The following MBNL3 variants were observed in gnomAD, a reference collection of about 807,000 sequenced individuals.
MBNL3 encodes the protein muscleblind like splicing regulator 3, also known as muscleblind-like protein 3.
A neutral mutation model predicts 24.5 loss-of-function variants in MBNL3; 6 were observed. The observed-to-expected ratio is 0.25, with a 90% CI of 0.13 to 0.48. The LOEUF (loss-of-function observed/expected upper bound fraction) is 0.48, where lower values mean the gene tolerates loss of function less well. Ranked by LOEUF, MBNL3 falls within the 20% of genes least tolerant of loss-of-function variation. The pLI, the probability that MBNL3 is intolerant of heterozygous loss-of-function variation, is 0.99. For missense variants in MBNL3, 230 were observed against 293.5 expected (o/e 0.78, Z 1.58); for synonymous variants, 100 against 101.7 (o/e 0.98, Z 0.10).
In MBNL3 at chrX:132,370,751, G is replaced by C. The variant is rs1277448814; in HGVS notation, c.*8915C>G. 8.9e-6 allele frequency: 1 copy of C among 111,810 alleles called. No individual in the cohort carries two copies. The highest frequency in any genetic ancestry group is 1.9e-5 in the Non-Finnish European group (1 of 53,194). The allele number at this position is 111,810 out of a possible 1,213,427, so 9.2% of individuals were successfully genotyped here. ...GGGGAAAAGTCCAGATCTATCAGAG[G>C]AAACAGGCCTGATAAGTTGCTATCA... On this transcript the variant is annotated 3_prime_UTR_variant, in exon 9 of 9. Coordinates refer to ENST00000370853, the MANE Select transcript of MBNL3 (RefSeq NM_001386889.1).
chrX:132,488,364 T>A (rs1290776650), intron 1 of MBNL3, among the ~76,000 whole-genome samples: 1 of 111,226 alleles, frequency 9.0e-6, no homozygotes, highest in Non-Finnish European at 1.9e-5. Flanking sequence ...GCTTATTGTG[T>A]GAGTGTTAAA....
Position 132,386,815 on chromosome X carries a change from TG to T in MBNL3, c.772-5del, listed in dbSNP as rs200191660. On this transcript the variant is annotated splice_polypyrimidine_tract_variant and splice_region_variant and intron_variant, in intron 5 of 8. Coordinates refer to ENST00000370853, the MANE Select transcript of MBNL3 (RefSeq NM_001386889.1). ...GCAGTGTACCAGGCTGCAGGGCCTG[TG>T]GGGGGAGAGATGGTACTAGTACTAG... 8.3e-7 allele frequency: 1 copy of T among 1,209,362 alleles called. No individual in the cohort carries two copies. Among genetic ancestry groups the T allele is most frequent in the African/African-American group, 1.7e-5 (1 of 57,494 alleles).
intron 3 of MBNL3, among the ~76,000 whole-genome samples, chrX:132,397,645 T>C (rs1045450769): frequency 9.0e-6 from 1 of 111,662 alleles, no homozygotes; most frequent in African/African-American, 3.2e-5. Context: ...ATCTTCATTT[T>C]ATTGCTCATT....
At chrX:132,380,958 G>A (rs2148031323) in intron 8 of MBNL3, among the ~76,000 whole-genome samples, 1 of 111,399 alleles carries the variant, frequency 9.0e-6, no homozygotes, top group South Asian at 3.7e-4. Context: ...GACAGGCATA[G>A]TGCTTACTGT....
intron 1 of MBNL3, among the ~76,000 whole-genome samples, chrX:132,486,679 T>C (rs1281153343): frequency 8.9e-6 from 1 of 112,422 alleles, no homozygotes; most frequent in Non-Finnish European, 1.9e-5. Context: ...GTTTATAAGC[T>C]ATTCTTCTTT....
chrX:132,455,688 A>G (rs750887632), intron 1 of MBNL3, among the ~76,000 whole-genome samples: 6 of 111,892 alleles, frequency 5.4e-5, no homozygotes, highest in African/African-American at 1.9e-4. Flanking sequence ...GTTTAACCCA[A>G]TTGTCCCGGT....
chrX:132,381,896 A>C (rs1247093403), intron 8 of MBNL3, among the ~76,000 whole-genome samples: 1 of 112,294 alleles, frequency 8.9e-6, no homozygotes, highest in Non-Finnish European at 1.9e-5. Context: ...AGTAACATTA[A>C]GTATATACAT....
chrX:132,414,120 T>C lies in MBNL3; in HGVS notation c.178-7728A>G, dbSNP rs1255017200. 1.2e-4 allele frequency among the ~76,000 whole-genome samples: 13 copies of C among 112,144 alleles called. 1 individual carries two copies. Among genetic ancestry groups the C allele is most frequent in the Non-Finnish European group, 3.8e-5 (2 of 53,257 alleles). ...GATATCTTTTTCAGTCAATCCCTGA[T>C]TACTCACATTAAAAGAGAGCACAAA... On this transcript the variant is annotated intron_variant, in intron 2 of 8. Transcript: ENST00000370853.
chrX:132,409,772 C>CAT (rs1206738922), intron 2 of MBNL3, among the ~76,000 whole-genome samples: 4 of 111,562 alleles, frequency 3.6e-5, no homozygotes, highest in African/African-American at 1.3e-4. Flanking sequence ...CTCCCCCTCC[C>CAT]ATATACACTC....
chrX:132,408,986 A>G (rs140994869), intron 2 of MBNL3, among the ~76,000 whole-genome samples: 1,543 of 112,572 alleles, frequency 0.014, 29 homozygotes, highest in African/African-American at 0.047. Context: ...TTATAAAATA[A>G]AATAAAAATC....
chrX:132,396,582 ATATATATTCCTATATATATTCC>A (rs1938790669), intron 3 of MBNL3, among the ~76,000 whole-genome samples: 8 of 55,626 alleles, frequency 1.4e-4, no homozygotes, highest in Non-Finnish European at 2.4e-4. Context: ...ATATATTCCT[ATATATATTCCTATATATATTCC>A]TATATATATT....
intron 1 of MBNL3, among the ~76,000 whole-genome samples, chrX:132,457,062 T>A (rs187435676): frequency 1.3e-4 from 14 of 111,545 alleles, no homozygotes; most frequent in Admixed American, 1.1e-3. Context: ...TGAACCAAGA[T>A]TTGGAAATTA....
At chrX:132,472,698 G>A (rs1947243224) in intron 1 of MBNL3, among the ~76,000 whole-genome samples, 1 of 111,833 alleles carries the variant, frequency 8.9e-6, no homozygotes, top group Admixed American at 9.5e-5. Flanking sequence ...AAAAGATAAT[G>A]CAGTAAAGAC....
chrX:132,487,539 C>T (rs769239078), intron 1 of MBNL3, among the ~76,000 whole-genome samples: 2 of 112,234 alleles, frequency 1.8e-5, no homozygotes, highest in Non-Finnish European at 3.8e-5. Flanking sequence ...CACACACTTG[C>T]TAAATTTAGT....
intron 1 of MBNL3, among the ~76,000 whole-genome samples, chrX:132,463,836 TAAATA>T: frequency 8.9e-6 from 1 of 112,185 alleles, no homozygotes; most frequent in Non-Finnish European, 1.9e-5. Flanking sequence ...GATTTAGAAA[TAAATA>T]AATTTCTCAT....
intron 5 of MBNL3, among the ~76,000 whole-genome samples, chrX:132,389,575 A>G (rs1388354293): frequency 8.9e-6 from 1 of 111,791 alleles, no homozygotes; most frequent in Non-Finnish European, 1.9e-5. Flanking sequence ...GAGGAGATTT[A>G]GCTCACAGTG....
rs1312734354 is a variant in MBNL3 at position 132,443,984 on chromosome X, TCCGCCCCCCCCCC to T, written c.-703-3683_-703-3671del. ...AAACTCAAGCAGCCTGACTCCAGAG[TCCGCCCCCCCCCC>T]CCCCCCCCACCTACTTAACCATACC... is the stretch of plus-strand genomic sequence containing the variant. On this transcript the variant is annotated intron_variant, in intron 1 of 8. Coordinates refer to ENST00000370853, the MANE Select transcript of MBNL3 (RefSeq NM_001386889.1). Among the ~76,000 whole-genome samples, 2 of 6,149 alleles carry T rather than the reference TCCGCCCCCCCCCC, an allele frequency of 3.3e-4. 1 individual carries two copies. The highest frequency in any genetic ancestry group is 5.6e-4 in the Non-Finnish European group (2 of 3,555). The allele number at this position is 6,149 out of a possible 115,157, so 5.3% of individuals were successfully genotyped here.
At chrX:132,489,075 G>C (rs1189100431), upstream of MBNL3, 1 of 113,308 alleles carries the variant, frequency 8.8e-6, no homozygotes, top group Non-Finnish European at 1.9e-5. Flanking sequence ...GCAAATTAAA[G>C]CCCGCCCCAC....
Position 132,439,726 on chromosome X carries a change from T to C in MBNL3, c.-115A>G. ...GCGAAGAGATAACAGGTTGCTTTGG[T>C]GAAATGTCTATTTGTTAACACTTAG... On this transcript the variant is annotated 5_prime_UTR_variant, in exon 2 of 9. Coordinates refer to ENST00000370853, the MANE Select transcript of MBNL3 (RefSeq NM_001386889.1). The C allele has an allele frequency of 9.8e-7, 1 of 1,025,637 alleles. No homozygotes were observed. Among genetic ancestry groups the C allele is most frequent in the Non-Finnish European group, 1.3e-6 (1 of 794,575 alleles). 84.5% of individuals were successfully genotyped at this position (1,025,637 alleles called of 1,213,427 possible).
Sources: gnomAD v4.1 joint callset for allele counts (sites outside exome capture counted in the v4.1 genomes callset) on GRCh38, gnomAD v4.1.1 for gene constraint, MANE v1.5 for transcripts, NCBI Gene and HGNC (gene_info 2026-07-23, HGNC 2026-07-21) for gene names.